Variants in CNTN4 observed in about 807,000 individuals in gnomAD.
CNTN4 encodes contactin-4.
CNTN4 carries 77 observed loss-of-function variants against 122.5 expected under a neutral mutation model. The ratio of observed to expected loss-of-function variants is 0.63; its 90% CI spans 0.52 to 0.76. CNTN4 has a LOEUF of 0.76. Among genes scored for constraint, CNTN4 ranks in the 30% least tolerant of loss-of-function variants. The probability of loss-of-function intolerance (pLI) is 0.00; values close to 1 mark genes in which losing one functional copy is unlikely to be tolerated. For missense variants in CNTN4, 1,256 were observed against 1,259.1 expected, an observed-to-expected ratio of 1.00 and a Z score of 0.04; for synonymous variants, 512 against 447.0, an observed-to-expected ratio of 1.15 and a Z score of -1.83.
chr3:2,595,173 T>C (rs1053503752), intron 4 of CNTN4, among the ~76,000 whole-genome samples: 3 of 152,236 alleles, frequency 2.0e-5, no homozygotes, highest in Non-Finnish European at 2.9e-5. Flanking sequence ...CTTCAAAATG[T>C]TGGCTAATAT....
At chr3:2,139,943 C>T (rs1235632208) in intron 2 of CNTN4, among the ~76,000 whole-genome samples, 1 of 152,252 alleles carries the variant, frequency 6.6e-6, no homozygotes, top group African/African-American at 2.4e-5. Flanking sequence ...ATAATTCCCA[C>T]CTGTCATGGG....
At chr3:2,403,893 C>T (rs756568038) in intron 3 of CNTN4, among the ~76,000 whole-genome samples, 2 of 152,090 alleles carry the variant, frequency 1.3e-5, no homozygotes, top group Admixed American at 6.6e-5. Context: ...CATTATGCTG[C>T]TCTTTAGAAA....
intron 4 of CNTN4, among the ~76,000 whole-genome samples, chr3:2,641,878 C>T (rs768503038): frequency 7.2e-5 from 11 of 152,168 alleles, no homozygotes; most frequent in Non-Finnish European, 1.5e-4. Context: ...ATTTTTACAT[C>T]ATATTGAATC....
chr3:2,567,094 TTC>T lies in CNTN4; in HGVS notation c.-88-4320_-88-4319del, dbSNP rs1491362155. Among the ~76,000 whole-genome samples the T allele has an allele frequency of 2.6e-3, 290 of 112,314 alleles. 17 individuals carry two copies. The highest frequency in any genetic ancestry group is 0.021 in the East Asian group (34 of 1,584). The allele number at this position is 112,314 out of a possible 152,430, so 73.7% of individuals were successfully genotyped here. On this transcript the variant is annotated intron_variant, in intron 3 of 24. Coordinates refer to ENST00000418658, the MANE Select transcript of CNTN4 (RefSeq NM_175607.3). Reference sequence around the variant, plus strand: ...ATCAAGTCCAGAATTTTTTTTTTTTTTCTTTTTTTCAGACGGAGTCTTGCTCA... The same window carrying T: ...ATCAAGTCCAGAATTTTTTTTTTTTTTTTTTTTCAGACGGAGTCTTGCTCA...
intron 4 of CNTN4, among the ~76,000 whole-genome samples, chr3:2,671,353 C>T (rs1000434487): frequency 2.6e-5 from 4 of 152,316 alleles, no homozygotes; most frequent in Admixed American, 1.3e-4. Flanking sequence ...TCTTCCATCA[C>T]TGATACCCTT....
Position 2,745,518 on chromosome 3 carries a change from A to G in CNTN4, c.183-4A>G, listed in dbSNP as rs376980043. The G allele has an allele frequency of 3.1e-6, 5 of 1,611,944 alleles. No individual in the cohort carries two copies. Among genetic ancestry groups the G allele is most frequent in the Admixed American group, 1.7e-5 (1 of 60,000 alleles). ...CTTTATCTACTGGCATTTTTATACT[A>G]TAGGTGGAAGTTAAATGGAACAGAT... is the stretch of plus-strand genomic sequence containing the variant. On this transcript the variant is annotated splice_region_variant and splice_polypyrimidine_tract_variant and intron_variant, in intron 5 of 24. Transcript: ENST00000418658.
chr3:2,483,419 G>A (rs563560164), intron 3 of CNTN4, among the ~76,000 whole-genome samples: 90 of 152,262 alleles, frequency 5.9e-4, no homozygotes, highest in African/African-American at 2.0e-3. Flanking sequence ...TTTGGACTTG[G>A]ATTTTTGGGT....
intron 14 of CNTN4, among the ~76,000 whole-genome samples, chr3:2,994,521 C>G (rs2125336129): frequency 6.6e-6 from 1 of 151,274 alleles, no homozygotes; most frequent in East Asian, 1.9e-4. Context: ...TAACGGATTC[C>G]TTTATTGCCA....
At chr3:2,708,183 T>G (rs1302975514) in intron 4 of CNTN4, among the ~76,000 whole-genome samples, 1 of 152,200 alleles carries the variant, frequency 6.6e-6, no homozygotes, top group Non-Finnish European at 1.5e-5. Flanking sequence ...CATAGTTATT[T>G]ACTTCAAAAT....
intron 3 of CNTN4, among the ~76,000 whole-genome samples, chr3:2,539,119 A>G (rs1319592074): frequency 6.6e-6 from 1 of 152,044 alleles, no homozygotes; most frequent in Non-Finnish European, 1.5e-5. Context: ...AACTTTGTTG[A>G]TCTTCTGTAA....
At chr3:2,516,285 C>T (rs2077037792) in intron 3 of CNTN4, among the ~76,000 whole-genome samples, 1 of 151,798 alleles carries the variant, frequency 6.6e-6, no homozygotes, top group African/African-American at 2.4e-5. Flanking sequence ...AAGTAGAATC[C>T]GTAATGTGAA....
intron 3 of CNTN4, among the ~76,000 whole-genome samples, chr3:2,556,245 T>A (rs548732155): frequency 6.6e-6 from 1 of 152,218 alleles, no homozygotes; most frequent in Non-Finnish European, 1.5e-5. Flanking sequence ...CTGGGCATTT[T>A]CCTTGACAAC....
At chr3:2,470,081 T>C (rs986084402) in intron 3 of CNTN4, among the ~76,000 whole-genome samples, 1 of 152,088 alleles carries the variant, frequency 6.6e-6, no homozygotes, top group Admixed American at 6.6e-5. Flanking sequence ...TTTTTTTTTT[T>C]TGGAGACAGG....
In CNTN4 at chr3:2,423,862, A is replaced by T. The variant is rs1445875267; in HGVS notation, c.-89+84629A>T. 2.0e-5 allele frequency among the ~76,000 whole-genome samples: 3 copies of T among 146,798 alleles called. No homozygotes were observed. In the East Asian group the frequency reaches 6.7e-4, roughly 33 times the overall value. ...CATCGTTCCGGTCTATGGTGGGAGT[A>T]ATAGTTCTTATTTTCTTGCCTTTTA... On this transcript the variant is annotated intron_variant, in intron 3 of 24. Transcript: ENST00000418658.
At chr3:2,296,209 G>C (rs543332642) in intron 2 of CNTN4, among the ~76,000 whole-genome samples, 5 of 152,096 alleles carry the variant, frequency 3.3e-5, no homozygotes, top group African/African-American at 4.8e-5. Context: ...TTCCAGTTCT[G>C]TGAAGAAAGT....
At chr3:2,367,335 G>C (rs1046195198) in intron 3 of CNTN4, among the ~76,000 whole-genome samples, 3 of 152,016 alleles carry the variant, frequency 2.0e-5, no homozygotes, top group Non-Finnish European at 4.4e-5. Context: ...AATTACTAGT[G>C]CTGTATTTGT....
At chr3:2,869,739 C>A (rs902849603) in intron 8 of CNTN4, among the ~76,000 whole-genome samples, 1 of 152,148 alleles carries the variant, frequency 6.6e-6, no homozygotes, top group African/African-American at 2.4e-5. Flanking sequence ...CTTTGTACTG[C>A]GCTCCAGCAC....
intron 4 of CNTN4, among the ~76,000 whole-genome samples, chr3:2,691,449 C>T (rs1161390335): frequency 6.6e-6 from 1 of 152,052 alleles, no homozygotes; most frequent in African/African-American, 2.4e-5. Context: ...CAGTTTTACT[C>T]CCAATGTGGA....
chr3:2,719,210 C>T (rs1243420651), intron 4 of CNTN4, among the ~76,000 whole-genome samples: 1 of 151,710 alleles, frequency 6.6e-6, no homozygotes, highest in African/African-American at 2.4e-5. Flanking sequence ...TTGAATTAGT[C>T]AATGAATGAA....
Sources: gnomAD v4.1 joint callset for allele counts (sites outside exome capture counted in the v4.1 genomes callset) on GRCh38, gnomAD v4.1.1 for gene constraint, MANE v1.5 for transcripts, NCBI Gene and HGNC (gene_info 2026-07-23, HGNC 2026-07-21) for gene names.